AGO1: variants seen among roughly 807,000 people sequenced by gnomAD.
AGO1 encodes protein argonaute-1.
Under a neutral mutation model 109.2 loss-of-function variants are expected in AGO1, and 11 were observed. The observed-to-expected ratio is 0.10, with a 90% confidence interval of 0.06 to 0.17. AGO1 has a LOEUF of 0.17. Among genes scored for constraint, AGO1 ranks in the 10% least tolerant of loss-of-function variants. The pLI is 1.00. For synonymous variants in AGO1, 422 were observed against 418.6 expected, an observed-to-expected ratio of 1.01 and a Z score of -0.10; for missense variants, 574 against 1,140.3, an observed-to-expected ratio of 0.50 and a Z score of 7.15.
chr1:35,872,292 T>G (rs1055318290), intron 1 of AGO1, among the ~76,000 whole-genome samples: 1 of 150,342 alleles, frequency 6.7e-6, no homozygotes, highest in Non-Finnish European at 1.5e-5. Context: ...TTCCAGCGAT[T>G]CTCCTGCCTC....
In AGO1 at chr1:35,913,826, C is replaced by T; in HGVS notation, c.1583-16C>T. On this transcript the variant is annotated splice_polypyrimidine_tract_variant and intron_variant, in intron 12 of 18. Coordinates refer to ENST00000373204, the MANE Select transcript of AGO1 (RefSeq NM_012199.5). ...TATTTGTTGAATGCACTAATCATTTCTCTCCCTGCCCTTAGCTGAGGTGAA... is the reference window on the plus strand; with the variant it reads ...TATTTGTTGAATGCACTAATCATTTTTCTCCCTGCCCTTAGCTGAGGTGAA... The T allele has an allele frequency of 6.2e-7, 1 of 1,611,984 alleles. No homozygotes were observed.
chr1:35,907,161 T>TC, intron 12 of AGO1, 42 bp downstream of exon 12: 1 of 1,554,310 alleles, frequency 6.4e-7, no homozygotes, highest in Non-Finnish European at 8.7e-7. Flanking sequence ...ATAGGACTCT[T>TC]CTCAGCGTAG....
chr1:35,894,443 G>A, intron 7 of AGO1, 41 bp downstream of exon 7: 1 of 1,591,192 alleles, frequency 6.3e-7, no homozygotes. Context: ...TGTTGGTGGA[G>A]AAGGGCTGAG....
intron 1 of AGO1, among the ~76,000 whole-genome samples, chr1:35,875,099 TGA>T (rs1644982455): frequency 6.6e-6 from 1 of 152,214 alleles, no homozygotes; most frequent in African/African-American, 2.4e-5. Flanking sequence ...AAATAATTGA[TGA>T]GAGTGGCTAC....
At chr1:35,900,088 C>T (rs1177587866) in intron 8 of AGO1, among the ~76,000 whole-genome samples, 3 of 152,088 alleles carry the variant, frequency 2.0e-5, no homozygotes, top group Admixed American at 6.5e-5. Flanking sequence ...CTGTTGGGCC[C>T]AGAACAGATG....
chr1:35,878,773 TATC>T (rs1645012003), upstream of AGO1, among the ~76,000 whole-genome samples: 1 of 152,250 alleles, frequency 6.6e-6, no homozygotes, highest in Admixed American at 6.5e-5. Context: ...TTGGATATTT[TATC>T]ATAATTAGTT....
intron 1 of AGO1, among the ~76,000 whole-genome samples, chr1:35,884,999 C>T (rs549229127): frequency 1.2e-3 from 169 of 144,756 alleles, no homozygotes; most frequent in Non-Finnish European, 1.7e-3. Flanking sequence ...CTAACTCCCT[C>T]CCACCCTCCC....
rs910981528 is a variant in AGO1, at chr1:35,926,001, A to G, written c.*6394A>G. On this transcript the variant is annotated 3_prime_UTR_variant, in exon 19 of 19. Coordinates refer to ENST00000373204, the MANE Select transcript of AGO1 (RefSeq NM_012199.5). ...ATCATCTGGCAGACTCCCTTGGGAA[A>G]GAGCCAGCCAGCCCCATGCTTCTTT... is the stretch of plus-strand genomic sequence containing the variant. 4 of 152,226 alleles carry G rather than the reference A, an allele frequency of 2.6e-5. No homozygotes were observed. Among genetic ancestry groups the G allele is most frequent in the African/African-American group, 9.7e-5 (4 of 41,444 alleles). The allele number at this position is 152,226 out of a possible 1,614,324, so 9.4% of individuals were successfully genotyped here. A position where few individuals can be genotyped will look rare whatever the true frequency, so the allele number is the denominator to read the frequency against.
intron 1 of AGO1, among the ~76,000 whole-genome samples, chr1:35,871,805 C>G (rs929378077): frequency 6.6e-6 from 1 of 151,912 alleles, no homozygotes; most frequent in African/African-American, 2.4e-5. Context: ...TGCGGTGGCT[C>G]ACGCCTGTAA....
In AGO1 at chr1:35,894,994, C is replaced by G. The variant is rs563345041; in HGVS notation, c.873-128C>G. On this transcript the variant is annotated intron_variant, in intron 7 of 18. Coordinates refer to ENST00000373204, the MANE Select transcript of AGO1 (RefSeq NM_012199.5). ...TAGGATGAAGCAAAGTCTGGGACTT[C>G]CTTCCTGCACATCATATTGGGGCCA... 272 of 1,157,484 alleles carry G rather than the reference C, an allele frequency of 2.3e-4. 3 individuals are homozygous for G. In the South Asian group the frequency reaches 4.2e-3, roughly 18 times the overall value. 71.7% of individuals were successfully genotyped at this position (1,157,484 alleles called of 1,614,324 possible). A position where few individuals can be genotyped will look rare whatever the true frequency, so the allele number is the denominator to read the frequency against.
intron 15 of AGO1, among the ~76,000 whole-genome samples, chr1:35,916,375 C>G (rs903765929): frequency 6.6e-6 from 1 of 151,398 alleles, no homozygotes; most frequent in African/African-American, 2.4e-5. Context: ...TTCTTTTTTT[C>G]TTTTTTTTGG....
At chr1:35,894,919 G>T (rs1024686860) in intron 7 of AGO1, among the ~76,000 whole-genome samples, 2 of 152,138 alleles carry the variant, frequency 1.3e-5, no homozygotes, top group African/African-American at 2.4e-5. Flanking sequence ...CTCTCTTGGA[G>T]CCCTGTATGT....
In AGO1 at chr1:35,885,365, T is replaced by C. The variant is rs190761235; in HGVS notation, c.25+1919T>C. Reference sequence around the variant, plus strand: ...GATGAAAAATTGACTTTTTAAAAATTTGTTACAAAAAATAAGCTTATAGGA... The same window carrying C: ...GATGAAAAATTGACTTTTTAAAAATCTGTTACAAAAAATAAGCTTATAGGA... On this transcript the variant is annotated intron_variant, in intron 1 of 18. Coordinates refer to ENST00000373204, the MANE Select transcript of AGO1 (RefSeq NM_012199.5). Among the ~76,000 whole-genome samples the C allele has an allele frequency of 3.7e-4, 57 of 152,284 alleles. 1 individual carries two copies. The highest frequency in any genetic ancestry group is 1.4e-3 in the African/African-American group (57 of 41,566).
intron 12 of AGO1, among the ~76,000 whole-genome samples, chr1:35,910,242 C>G (rs1472957329): frequency 1.3e-5 from 2 of 151,212 alleles, no homozygotes. Flanking sequence ...TGGCATCCTC[C>G]TAGTGATGGT....
intron 2 of AGO1, among the ~76,000 whole-genome samples, chr1:35,891,054 A>G (rs1279354392): frequency 6.6e-6 from 1 of 152,186 alleles, no homozygotes; most frequent in African/African-American, 2.4e-5. Flanking sequence ...GCTTCCTGGT[A>G]GGAGACAAGT....
chr1:35,891,035 A>G (rs1645208699), intron 2 of AGO1, among the ~76,000 whole-genome samples: 1 of 152,206 alleles, frequency 6.6e-6, no homozygotes, highest in African/African-American at 2.4e-5. Flanking sequence ...CTTTTTCAAT[A>G]TTAGAGCTGC....
chr1:35,890,765 G>A (rs919826022), intron 2 of AGO1, among the ~76,000 whole-genome samples: 6 of 152,052 alleles, frequency 3.9e-5, no homozygotes, highest in African/African-American at 1.5e-4. Flanking sequence ...CATCAATAAG[G>A]CATCAGAGTG....
At chr1:35,912,266 G>A (rs574615748) in intron 12 of AGO1, among the ~76,000 whole-genome samples, 12 of 150,718 alleles carry the variant, frequency 8.0e-5, no homozygotes, top group African/African-American at 2.7e-4. Context: ...GGCTGAGGCA[G>A]GAGAATGGTG....
chr1:35,882,289 A>T (rs1442501342), upstream of AGO1, among the ~76,000 whole-genome samples: 1 of 152,166 alleles, frequency 6.6e-6, no homozygotes, highest in Non-Finnish European at 1.5e-5. This position sits in a 1 kb window ranked among gnomAD's most constrained non-coding sequence, Gnocchi z 5.1. Context: ...GTAAGAGTGG[A>T]TGAGACCTTT....
Sources: allele counts gnomAD v4.1 joint callset (sites outside exome capture counted in the v4.1 genomes callset), GRCh38; gene constraint gnomAD v4.1.1; non-coding constraint Gnocchi (gnomAD v3.1); transcripts MANE v1.5; gene names NCBI Gene and HGNC (gene_info 2026-07-23, HGNC 2026-07-21).